The following CDH20 variants were observed in gnomAD, a reference collection of about 807,000 sequenced individuals.
The protein encoded by CDH20 is cadherin 20, also known as cadherin-20.
CDH20 carries 29 observed loss-of-function variants against 74.2 expected under a neutral mutation model. The ratio of observed to expected loss-of-function variants is 0.39; its 90% CI spans 0.29 to 0.53. CDH20 has a LOEUF of 0.53. Among genes scored for constraint, CDH20 ranks in the 20% least tolerant of loss-of-function variants. The pLI is 0.69. For missense variants in CDH20, 988 were observed against 1,048.3 expected (o/e 0.94, Z 0.79); for synonymous variants, 469 against 405.4 (o/e 1.16, Z -1.88).
chr18:61,531,401 A>T (rs1170917454), intron 7 of CDH20, among the ~76,000 whole-genome samples: 1 of 152,248 alleles, frequency 6.6e-6, no homozygotes, highest in Non-Finnish European at 1.5e-5. Context: ...CATCAGGGAC[A>T]TGGCTCCGTG....
chr18:61,353,795 G>C lies in CDH20; in HGVS notation c.-153+19968G>C, dbSNP rs1431266261. Reference sequence around the variant, plus strand: ...AATAAAAGTTAAAAAAAATCTTTCAGTTCCAGCCAGTCATGGTGGCTCATG... The same window carrying C: ...AATAAAAGTTAAAAAAAATCTTTCACTTCCAGCCAGTCATGGTGGCTCATG... On this transcript the variant is annotated intron_variant, in intron 1 of 11. Transcript: ENST00000262717. This position sits in a 1 kb window ranked among gnomAD's most constrained non-coding sequence, Gnocchi z 4.6. Among the ~76,000 whole-genome samples the C allele has an allele frequency of 6.6e-6, 1 of 152,066 alleles. No individual in the cohort carries two copies. Among genetic ancestry groups the C allele is most frequent in the Non-Finnish European group, 1.5e-5 (1 of 68,006 alleles).
intron 9 of CDH20, among the ~76,000 whole-genome samples, chr18:61,544,283 G>C (rs1302484149): frequency 1.3e-5 from 2 of 152,214 alleles, no homozygotes; most frequent in African/African-American, 4.8e-5. Flanking sequence ...CAGCGTCTAG[G>C]ACTCCTGAAG....
At chr18:61,434,948 T>A (rs923797963) in intron 1 of CDH20, among the ~76,000 whole-genome samples, 41 of 152,222 alleles carry the variant, frequency 2.7e-4, no homozygotes, top group African/African-American at 9.1e-4. Context: ...TTCCTAGAGT[T>A]CCTGTGTTTA....
chr18:61,362,836 ATTTAT>A (rs2144137935), intron 1 of CDH20, among the ~76,000 whole-genome samples: 1 of 152,270 alleles, frequency 6.6e-6, no homozygotes, highest in East Asian at 1.9e-4. Flanking sequence ...GAATATACAT[ATTTAT>A]ATTACATATA....
rs557872900 is a variant in CDH20 at position 61,353,848 on chromosome 18, G to A, written c.-153+20021G>A. ...TGTAATCCCAGCATTTTAGGAGGCC[G>A]GGGCGGTTGGATTGCCTGAACTCTG... On this transcript the variant is annotated intron_variant, in intron 1 of 11. Transcript: ENST00000262717. The surrounding 1 kb of genome is among the most constrained non-coding windows in gnomAD (Gnocchi z 4.6). Among the ~76,000 whole-genome samples, 45 of 152,160 alleles carry A rather than the reference G, an allele frequency of 3.0e-4. No individual in the cohort carries two copies. The highest frequency in any genetic ancestry group is 2.2e-3 in the Admixed American group (34 of 15,270).
At chr18:61,554,078 CCCT>C in intron 11 of CDH20, 109 bp from the exon 12 acceptor site, 1 of 1,277,886 alleles carries the variant, frequency 7.8e-7, no homozygotes, top group Non-Finnish European at 1.1e-6. Flanking sequence ...TATCTCTGAG[CCCT>C]CCACTCGGTA....
chr18:61,366,138 T>G (rs1445771958), intron 1 of CDH20, among the ~76,000 whole-genome samples: 1 of 152,178 alleles, frequency 6.6e-6, no homozygotes, highest in Non-Finnish European at 1.5e-5. Flanking sequence ...TCAAATTTCA[T>G]TTGGTTCTAA....
chr18:61,351,615 C>G (rs1252053307), intron 1 of CDH20, among the ~76,000 whole-genome samples: 1 of 150,980 alleles, frequency 6.6e-6, no homozygotes, highest in Non-Finnish European at 1.5e-5. Context: ...TACTTTTGGA[C>G]AGCAAAAATA....
intron 1 of CDH20, among the ~76,000 whole-genome samples, chr18:61,375,380 T>C (rs927880117): frequency 1.3e-5 from 2 of 152,192 alleles, no homozygotes; most frequent in Non-Finnish European, 2.9e-5. Context: ...TCTGCTCTAG[T>C]TGGAAATGCC....
At chr18:61,491,003 T>C (rs753759175) in intron 2 of CDH20, among the ~76,000 whole-genome samples, 3 of 152,164 alleles carry the variant, frequency 2.0e-5, no homozygotes, top group Non-Finnish European at 4.4e-5. Flanking sequence ...TCCATGTCTC[T>C]GTTATGAATG....
At chr18:61,469,484 G>A (rs1239998751) in intron 1 of CDH20, among the ~76,000 whole-genome samples, 4 of 151,916 alleles carry the variant, frequency 2.6e-5, no homozygotes, top group Admixed American at 2.0e-4. Context: ...CAGCAGTTTC[G>A]AAACAACAGT....
intron 1 of CDH20, among the ~76,000 whole-genome samples, chr18:61,394,240 C>T (rs1911887705): frequency 6.6e-6 from 1 of 152,154 alleles, no homozygotes; most frequent in African/African-American, 2.4e-5. Flanking sequence ...GAGCCCCTAA[C>T]ACCACGGTTA....
chr18:61,486,693 T>C (rs1331690901), intron 1 of CDH20, among the ~76,000 whole-genome samples: 2 of 152,160 alleles, frequency 1.3e-5, no homozygotes, highest in Non-Finnish European at 2.9e-5. Flanking sequence ...CTTAAGAAGT[T>C]TGGCTCTTAA....
intron 1 of CDH20, among the ~76,000 whole-genome samples, chr18:61,395,467 G>A (rs1911932911): frequency 6.6e-6 from 1 of 152,108 alleles, no homozygotes; most frequent in Non-Finnish European, 1.5e-5. Context: ...CCATACATGT[G>A]TGGATGACCC....
intron 5 of CDH20, 151 bp downstream of exon 5, chr18:61,503,271 C>A (rs1911449978): frequency 5.2e-6 from 3 of 575,614 alleles, no homozygotes; most frequent in Non-Finnish European, 8.8e-6. Flanking sequence ...TCTCGCATAA[C>A]TATTTGCCTT....
Position 61,552,366 on chromosome 18 carries a change from T to G in CDH20, c.1901-1824T>G, listed in dbSNP as rs188717016. Among the ~76,000 whole-genome samples, 264 of 152,150 alleles carry G rather than the reference T, an allele frequency of 1.7e-3. 1 individual carries two copies. The highest frequency in any genetic ancestry group is 6.0e-3 in the African/African-American group (250 of 41,522). On this transcript the variant is annotated intron_variant, in intron 11 of 11. Transcript: ENST00000262717. ...TCAGGGCATCATGTAATATTTGTTA[T>G]GTAATATTTGTTATTTACCTAATTA...
chr18:61,543,949 A>G (rs181456618), intron 9 of CDH20, among the ~76,000 whole-genome samples: 4 of 152,356 alleles, frequency 2.6e-5, no homozygotes, highest in Admixed American at 2.0e-4. Context: ...CCTTTAACTC[A>G]AAGTCTCTTA....
intron 11 of CDH20, among the ~76,000 whole-genome samples, 161 bp from the exon 12 acceptor site, chr18:61,554,029 T>C (rs1180154248): frequency 2.0e-5 from 3 of 152,210 alleles, no homozygotes; most frequent in African/African-American, 7.2e-5. Context: ...CAAAGTGGAC[T>C]TAAATTAGAA....
At chr18:61,548,625 G>C (rs1035598933) in intron 10 of CDH20, among the ~76,000 whole-genome samples, 8 of 152,152 alleles carry the variant, frequency 5.3e-5, no homozygotes, top group Non-Finnish European at 8.8e-5. Context: ...AAAAATCTCA[G>C]TGGCTTAGCA....
Sources: gnomAD v4.1 joint callset for allele counts (sites outside exome capture counted in the v4.1 genomes callset) on GRCh38, gnomAD v4.1.1 for gene constraint, Gnocchi (gnomAD v3.1) non-coding constraint, MANE v1.5 for transcripts, NCBI Gene and HGNC (gene_info 2026-07-23, HGNC 2026-07-21) for gene names.